SKAP1: variants seen among roughly 807,000 people sequenced by gnomAD.
SKAP1 encodes the protein src kinase-associated phosphoprotein 1.
In SKAP1, 44 loss-of-function variants were observed where a neutral mutation model predicts 58.5. That is an observed-to-expected ratio of 0.75 (90% CI 0.59 to 0.97). The LOEUF (loss-of-function observed/expected upper bound fraction) is 0.97, where lower values mean the gene tolerates loss of function less well. SKAP1 is among the 50% of genes least tolerant of loss of function. The pLI, the probability that SKAP1 is intolerant of heterozygous loss-of-function variation, is 0.00. For missense variants in SKAP1, 390 were observed against 435.2 expected, an observed-to-expected ratio of 0.90 and a Z score of 0.92; for synonymous variants, 127 against 149.7, an observed-to-expected ratio of 0.85 and a Z score of 1.11.
chr17:48,394,648 C>T (rs145968205), intron 2 of SKAP1, among the ~76,000 whole-genome samples: 45 of 152,312 alleles, frequency 3.0e-4, no homozygotes, highest in Admixed American at 1.2e-3. Context: ...GCCTGCCATA[C>T]ATGTTTAACT....
At chr17:48,159,632 T>C (rs1268157538) in intron 11 of SKAP1, among the ~76,000 whole-genome samples, 2 of 152,214 alleles carry the variant, frequency 1.3e-5, no homozygotes, top group Admixed American at 1.3e-4. Flanking sequence ...TAGGATCTAT[T>C]TGAGAGAAAA....
intron 4 of SKAP1, among the ~76,000 whole-genome samples, chr17:48,205,847 G>A (rs926523542): frequency 6.6e-6 from 1 of 152,124 alleles, no homozygotes; most frequent in Non-Finnish European, 1.5e-5. Flanking sequence ...GAGGTTTTCA[G>A]ACATTCAAAG....
Position 48,374,531 on chromosome 17 carries a change from G to A in SKAP1, c.153-10717C>T, listed in dbSNP as rs562545627. 3.5e-4 allele frequency among the ~76,000 whole-genome samples: 53 copies of A among 152,196 alleles called. No homozygotes were observed. In the South Asian group the frequency reaches 7.0e-3, roughly 20 times the overall value. On this transcript the variant is annotated intron_variant, in intron 2 of 12. Transcript: ENST00000336915. ...GAAAATGGAATCTTAGGATTCAGAC[G>A]GACACCTAGTTGGGCATGGATTCCA...
intron 2 of SKAP1, among the ~76,000 whole-genome samples, chr17:48,370,820 A>G (rs974299777): frequency 5.9e-5 from 9 of 152,250 alleles, no homozygotes; most frequent in Admixed American, 5.2e-4. Context: ...AAAAAGACAT[A>G]TGCACTTGTA....
intron 4 of SKAP1, among the ~76,000 whole-genome samples, chr17:48,329,078 G>A (rs2066472481): frequency 6.6e-6 from 1 of 152,178 alleles, no homozygotes; most frequent in African/African-American, 2.4e-5. Flanking sequence ...ACAAATGTTA[G>A]TGACTGCTCT....
chr17:48,160,135 T>C (rs552473811), intron 11 of SKAP1, among the ~76,000 whole-genome samples: 7 of 152,306 alleles, frequency 4.6e-5, no homozygotes, highest in East Asian at 1.9e-4. Context: ...TTCTTCTTTT[T>C]TTCTTTTTGG....
intron 11 of SKAP1, among the ~76,000 whole-genome samples, chr17:48,161,929 A>G (rs2064075233): frequency 6.8e-6 from 1 of 148,110 alleles, no homozygotes; most frequent in Admixed American, 6.8e-5. Context: ...TATAATACCA[A>G]TTTTATTGCA....
intron 11 of SKAP1, among the ~76,000 whole-genome samples, chr17:48,149,605 G>A (rs1484791323): frequency 6.6e-6 from 1 of 152,138 alleles, no homozygotes; most frequent in African/African-American, 2.4e-5. Context: ...TCTAGGGGGT[G>A]TCACAGCCAG....
chr17:48,297,031 T>A (rs2065985828), intron 4 of SKAP1, among the ~76,000 whole-genome samples: 1 of 152,132 alleles, frequency 6.6e-6, no homozygotes, highest in Non-Finnish European at 1.5e-5. Flanking sequence ...ATTTCTAGAT[T>A]TAAAAAAAAT....
intron 4 of SKAP1, among the ~76,000 whole-genome samples, chr17:48,309,162 A>G (rs1380532577): frequency 2.6e-5 from 4 of 152,170 alleles, no homozygotes; most frequent in Non-Finnish European, 4.4e-5. Context: ...AGCAGGTTTT[A>G]GATAACACTT....
At chr17:48,250,811 A>T (rs1483049466) in intron 4 of SKAP1, among the ~76,000 whole-genome samples, 1 of 152,220 alleles carries the variant, frequency 6.6e-6, no homozygotes, top group African/African-American at 2.4e-5. Flanking sequence ...AAGTGGATTA[A>T]GAAATGTCAC....
chr17:48,325,268 A>G (rs1166083554), intron 4 of SKAP1, among the ~76,000 whole-genome samples: 1 of 121,916 alleles, frequency 8.2e-6, no homozygotes, highest in Non-Finnish European at 1.8e-5. Context: ...AAAAAAAAAA[A>G]AAAAAAAAGA....
At chr17:48,405,731 CAG>C (rs527839928) in intron 1 of SKAP1, among the ~76,000 whole-genome samples, 22 of 151,698 alleles carry the variant, frequency 1.5e-4, no homozygotes, top group African/African-American at 5.3e-4. Flanking sequence ...GAACTAACCT[CAG>C]GTTATCCGTC....
intron 1 of SKAP1, among the ~76,000 whole-genome samples, chr17:48,409,894 A>G (rs1468504698): frequency 6.6e-6 from 1 of 152,140 alleles, no homozygotes; most frequent in Non-Finnish European, 1.5e-5. Context: ...GTCATTTAGG[A>G]GGTTAGGAGA....
intron 4 of SKAP1, among the ~76,000 whole-genome samples, chr17:48,240,564 A>T (rs1046212271): frequency 6.6e-6 from 1 of 152,240 alleles, no homozygotes; most frequent in Non-Finnish European, 1.5e-5. Flanking sequence ...TATTCAGACA[A>T]GGGATTTAAA....
At chr17:48,311,036 C>A (rs900195025) in intron 4 of SKAP1, among the ~76,000 whole-genome samples, 1 of 152,202 alleles carries the variant, frequency 6.6e-6, no homozygotes, top group Non-Finnish European at 1.5e-5. Flanking sequence ...GCCGCCCCCC[C>A]AGGCTGAGCC....
intron 3 of SKAP1, among the ~76,000 whole-genome samples, chr17:48,352,648 T>G (rs956847989): frequency 1.3e-5 from 2 of 152,256 alleles, no homozygotes; most frequent in East Asian, 3.9e-4. Context: ...CTAGCTAAAC[T>G]CTTACTGGGT....
Position 48,365,232 on chromosome 17 carries a change from G to A in SKAP1, c.153-1418C>T, listed in dbSNP as rs576184782. On this transcript the variant is annotated intron_variant, in intron 2 of 12. Coordinates refer to ENST00000336915, the MANE Select transcript of SKAP1 (RefSeq NM_003726.4). ...CAAAGTGTTGGGATTGCAGGGATGA[G>A]CCACTGCATCCAGCAACCCTTGAAG... Among the ~76,000 whole-genome samples the A allele has an allele frequency of 2.6e-5, 4 of 152,212 alleles. No individual in the cohort carries two copies. The South Asian group carries it at 8.3e-4, about 32-fold the overall frequency.
upstream of SKAP1, among the ~76,000 whole-genome samples, chr17:48,433,512 C>T (rs748538852): frequency 3.9e-5 from 6 of 152,292 alleles, no homozygotes; most frequent in Non-Finnish European, 8.8e-5. Context: ...CCGTCCCCCC[C>T]AGACCCAATT....
Sources: gnomAD v4.1 joint callset for allele counts (sites outside exome capture counted in the v4.1 genomes callset) on GRCh38, gnomAD v4.1.1 for gene constraint, MANE v1.5 for transcripts, NCBI Gene and HGNC (gene_info 2026-07-23, HGNC 2026-07-21) for gene names.